The following B3GALNT2 variants were observed in gnomAD, a reference collection of about 807,000 sequenced individuals.
B3GALNT2 encodes the protein UDP-GalNAc:beta-1,3-N-acetylgalactosaminyltransferase 2.
B3GALNT2 carries 53 observed loss-of-function variants against 61.1 expected under a neutral mutation model. The ratio of observed to expected loss-of-function variants is 0.87; its 90% CI spans 0.70 to 1.09. B3GALNT2 has a LOEUF of 1.09. Among genes scored for constraint, B3GALNT2 ranks in the 50% least tolerant of loss-of-function variants. The probability of loss-of-function intolerance (pLI) is 0.00; values close to 1 mark genes in which losing one functional copy is unlikely to be tolerated. For missense variants in B3GALNT2, 544 were observed against 623.0 expected (o/e 0.87, Z 1.35); for synonymous variants, 223 against 237.4 (o/e 0.94, Z 0.56).
intron 6 of B3GALNT2, among the ~76,000 whole-genome samples, chr1:235,465,985 C>G (rs914720540): frequency 1.3e-5 from 2 of 152,056 alleles, no homozygotes; most frequent in African/African-American, 4.8e-5. Flanking sequence ...TATGTACTTG[C>G]TACTCTAGTA....
At position 235,475,927 on chromosome 1, in the gene B3GALNT2, T is replaced by C. The variant is rs368813098; in HGVS notation, c.651+4127A>G. ...GGTCGTCTCAAACTCATGGGCTCAA[T>C]GATCTGCCCGCCTCGGCCTCCCAAA... On this transcript the variant is annotated intron_variant, in intron 5 of 11. Coordinates refer to ENST00000366600, the MANE Select transcript of B3GALNT2 (RefSeq NM_152490.5). 1.4e-4 allele frequency among the ~76,000 whole-genome samples: 21 copies of C among 152,228 alleles called. No individual in the cohort carries two copies. In the East Asian group the frequency reaches 3.3e-3, roughly 24 times the overall value.
chr1:235,447,420 T>C lies in B3GALNT2; in HGVS notation c.*2786A>G, dbSNP rs1682437488. On this transcript the variant is annotated 3_prime_UTR_variant, in exon 12 of 12. Transcript: ENST00000366600. Reference sequence around the variant, plus strand: ...TCCACTATTTACCACAACCCGTCTTTGGAAAGAAGTTCATAGTGTATTCTG... The same window carrying C: ...TCCACTATTTACCACAACCCGTCTTCGGAAAGAAGTTCATAGTGTATTCTG... Among the ~76,000 whole-genome samples, 1 of 152,220 alleles carries C rather than the reference T, an allele frequency of 6.6e-6. No homozygotes were observed. The highest frequency in any genetic ancestry group is 1.5e-5 in the Non-Finnish European group (1 of 68,036).
chr1:235,483,189 A>C (rs1162559266), intron 4 of B3GALNT2, among the ~76,000 whole-genome samples: 1 of 152,214 alleles, frequency 6.6e-6, no homozygotes, highest in African/African-American at 2.4e-5. Context: ...CTAAACTTGA[A>C]TACAGATGAA....
At chr1:235,442,238 T>G (rs1234837214), downstream of B3GALNT2, among the ~76,000 whole-genome samples, 1 of 152,172 alleles carries the variant, frequency 6.6e-6, no homozygotes, top group Non-Finnish European at 1.5e-5. Flanking sequence ...TGGCACGATC[T>G]TGGCTCACCG....
intron 1 of B3GALNT2, 53 bp downstream of exon 1, chr1:235,504,088 C>T: frequency 1.7e-6 from 2 of 1,197,698 alleles, no homozygotes; most frequent in East Asian, 7.2e-5. Context: ...GGCACCAAGC[C>T]GGGCCTCCCA....
At chr1:235,492,949 T>C (rs1267284148) in intron 2 of B3GALNT2, among the ~76,000 whole-genome samples, 1 of 152,184 alleles carries the variant, frequency 6.6e-6, no homozygotes, top group African/African-American at 2.4e-5. Flanking sequence ...CAACAAAGAC[T>C]TGGAGTTTCA....
intron 3 of B3GALNT2, among the ~76,000 whole-genome samples, chr1:235,488,370 C>T (rs1395432423): frequency 6.6e-6 from 1 of 152,136 alleles, no homozygotes; most frequent in South Asian, 2.1e-4. Flanking sequence ...TCTACAGGTA[C>T]CCCAAGGCAA....
intron 8 of B3GALNT2, among the ~76,000 whole-genome samples, chr1:235,456,681 G>A (rs1683183080): frequency 6.6e-6 from 1 of 152,212 alleles, no homozygotes; most frequent in Non-Finnish European, 1.5e-5. Context: ...GAAGGTTACT[G>A]CAGCGATCCA....
intron 4 of B3GALNT2, among the ~76,000 whole-genome samples, chr1:235,481,384 G>T (rs1684559024): frequency 6.6e-6 from 1 of 152,190 alleles, no homozygotes; most frequent in Admixed American, 6.5e-5. Flanking sequence ...CTGTCACCTA[G>T]GCTGGAGTGA....
At chr1:235,463,508 A>G (rs1683529928) in intron 7 of B3GALNT2, 1 of 150,996 alleles carries the variant, frequency 6.6e-6, no homozygotes, top group African/African-American at 2.4e-5. Flanking sequence ...CAAGAGACCC[A>G]GAATAGCCAA....
At chr1:235,462,503 G>A (rs1434114004) in intron 7 of B3GALNT2, among the ~76,000 whole-genome samples, 1 of 152,108 alleles carries the variant, frequency 6.6e-6, no homozygotes, top group African/African-American at 2.4e-5. Flanking sequence ...ATAAATACAT[G>A]GATCTGTTCA....
At chr1:235,503,545 C>G (rs1006661078) in intron 1 of B3GALNT2, among the ~76,000 whole-genome samples, 2 of 152,384 alleles carry the variant, frequency 1.3e-5, no homozygotes, top group South Asian at 4.1e-4. Flanking sequence ...ACAGGAACAA[C>G]TCCAACTCTC....
chr1:235,463,967 CA>C (rs1315044671), intron 7 of B3GALNT2: 13 of 152,194 alleles, frequency 8.5e-5, no homozygotes, highest in African/African-American at 3.1e-4. Context: ...TGAGAGTCCT[CA>C]AGTAAATCCT....
At chr1:235,472,512 ACT>A (rs1484462969) in intron 5 of B3GALNT2, among the ~76,000 whole-genome samples, 1 of 151,872 alleles carries the variant, frequency 6.6e-6, no homozygotes, top group African/African-American at 2.4e-5. Context: ...ACCATTTATC[ACT>A]CTGATATTTC....
Position 235,448,688 on chromosome 1 carries a change from G to A in B3GALNT2, c.*1518C>T, listed in dbSNP as rs944601368. Reference sequence around the variant, plus strand: ...ATTTTAGAAGCCGGGCAGAGAAATCGAGCTGGAAAATGACCTAAAGTCATT... The same window carrying A: ...ATTTTAGAAGCCGGGCAGAGAAATCAAGCTGGAAAATGACCTAAAGTCATT... On this transcript the variant is annotated 3_prime_UTR_variant, in exon 12 of 12. Coordinates refer to ENST00000366600, the MANE Select transcript of B3GALNT2 (RefSeq NM_152490.5). 6.8e-6 allele frequency: 11 copies of A among 1,613,884 alleles called. No individual in the cohort carries two copies. Among genetic ancestry groups the A allele is most frequent in the East Asian group, 6.7e-5 (3 of 44,900 alleles).
intron 4 of B3GALNT2, among the ~76,000 whole-genome samples, chr1:235,483,627 C>T (rs1329868526): frequency 6.6e-6 from 1 of 152,132 alleles, no homozygotes; most frequent in Non-Finnish European, 1.5e-5. Flanking sequence ...CAAAAATTAG[C>T]CAGGTGTGGT....
At chr1:235,503,300 AAAG>A (rs1311435867) in intron 1 of B3GALNT2, among the ~76,000 whole-genome samples, 12 of 152,272 alleles carry the variant, frequency 7.9e-5, no homozygotes, top group Non-Finnish European at 1.5e-4. Flanking sequence ...GCAAGCCCTT[AAAG>A]AAGAAGACAA....
chr1:235,476,697 A>C (rs959003344), intron 5 of B3GALNT2, among the ~76,000 whole-genome samples: 21 of 152,086 alleles, frequency 1.4e-4, no homozygotes, highest in Middle Eastern at 3.4e-3. Flanking sequence ...TAAAAAATAC[A>C]AAAATTAGCC....
At chr1:235,468,115 T>C (rs1482063127) in intron 6 of B3GALNT2, among the ~76,000 whole-genome samples, 1 of 152,220 alleles carries the variant, frequency 6.6e-6, no homozygotes, top group African/African-American at 2.4e-5. Flanking sequence ...TCTATATTGT[T>C]TTGGCTTTAG....
Sources: allele counts gnomAD v4.1 joint callset (sites outside exome capture counted in the v4.1 genomes callset), GRCh38; gene constraint gnomAD v4.1.1; transcripts MANE v1.5; gene names NCBI Gene and HGNC (gene_info 2026-07-23, HGNC 2026-07-21).